Variants in TUT7 observed in about 807,000 individuals in gnomAD.
The protein encoded by TUT7 is terminal uridylyltransferase 7.
Under a neutral mutation model 165.9 loss-of-function variants are expected in TUT7, and 33 were observed. The ratio of observed to expected loss-of-function variants is 0.20; its 90% CI spans 0.15 to 0.27. TUT7 has a LOEUF of 0.27. Among genes scored for constraint, TUT7 ranks in the 10% least tolerant of loss-of-function variants. The probability of loss-of-function intolerance (pLI) is 1.00; values close to 1 mark genes in which losing one functional copy is unlikely to be tolerated. For missense variants in TUT7, 1,338 were observed against 1,762.3 expected, an observed-to-expected ratio of 0.76 and a Z score of 4.31; for synonymous variants, 552 against 608.1, an observed-to-expected ratio of 0.91 and a Z score of 1.36.
intron 16 of TUT7, 135 bp downstream of exon 16, chr9:86,318,823 G>A: frequency 1.8e-6 from 1 of 560,470 alleles, no homozygotes; most frequent in Non-Finnish European, 3.1e-6. Flanking sequence ...AATGTATTTG[G>A]CCAGAGACTG....
chr9:86,301,067 C>T (rs966169637), intron 26 of TUT7, among the ~76,000 whole-genome samples: 33 of 152,164 alleles, frequency 2.2e-4, no homozygotes, highest in African/African-American at 7.5e-4. Context: ...AAATGACTCT[C>T]ATAAGACTCT....
At chr9:86,313,745 T>C (rs2131376483) in intron 17 of TUT7, among the ~76,000 whole-genome samples, 1 of 152,312 alleles carries the variant, frequency 6.6e-6, no homozygotes, top group African/African-American at 2.4e-5. Flanking sequence ...GGCAGATTAA[T>C]GGAGTTGGTT....
At chr9:86,343,284 G>A in intron 5 of TUT7, 121 bp from the exon 6 acceptor site, 1 of 551,220 alleles carries the variant, frequency 1.8e-6, no homozygotes, top group East Asian at 3.4e-5. Context: ...AAGCAAACTT[G>A]TATTCAAGAC....
At chr9:86,315,212 G>A (rs1048645538) in intron 17 of TUT7, among the ~76,000 whole-genome samples, 6 of 152,216 alleles carry the variant, frequency 3.9e-5, no homozygotes, top group African/African-American at 1.2e-4. Context: ...TTAAAGATAT[G>A]AAGTTTTAAA....
In TUT7 at chr9:86,311,608, C is replaced by T. The variant is rs996372920; in HGVS notation, c.3275-799G>A. ...CCCTCTTCCCTCTCCCCTCTCCCCACGGTCTCCCTCTCCCTCTCTTTCCAC... is the reference window on the plus strand; with the variant it reads ...CCCTCTTCCCTCTCCCCTCTCCCCATGGTCTCCCTCTCCCTCTCTTTCCAC... On this transcript the variant is annotated intron_variant, in intron 17 of 26. Transcript: ENST00000375963. The surrounding 1 kb of genome is among the most constrained non-coding windows in gnomAD (Gnocchi z 4.4). 4.4e-5 allele frequency among the ~76,000 whole-genome samples: 6 copies of T among 136,682 alleles called. No homozygotes were observed. The highest frequency in any genetic ancestry group is 6.3e-5 in the Non-Finnish European group (4 of 63,948). The allele number at this position is 136,682 out of a possible 152,430, so 89.7% of individuals were successfully genotyped here.
At chr9:86,310,872 G>T in intron 17 of TUT7, 63 bp from the exon 18 acceptor site, 2 of 927,930 alleles carry the variant, frequency 2.2e-6, no homozygotes, top group South Asian at 1.4e-5. Context: ...TAACTCTTAT[G>T]TTAATGTTCC....
chr9:86,352,013 C>T (rs1387401561), intron 2 of TUT7, among the ~76,000 whole-genome samples: 2 of 152,074 alleles, frequency 1.3e-5, no homozygotes, highest in South Asian at 2.1e-4. Flanking sequence ...CCCTTTGGGG[C>T]AATTAACCAA....
chr9:86,339,805 G>A (rs953408717), intron 8 of TUT7, among the ~76,000 whole-genome samples: 13 of 152,240 alleles, frequency 8.5e-5, no homozygotes, highest in African/African-American at 3.1e-4. Context: ...GAAATGGACC[G>A]AAATACTTCC....
chr9:86,303,459 G>A (rs1317116288), intron 24 of TUT7, among the ~76,000 whole-genome samples: 1 of 152,142 alleles, frequency 6.6e-6, no homozygotes, highest in African/African-American at 2.4e-5. Context: ...AAAGGTTTAA[G>A]CACACTTCTA....
At chr9:86,334,409 T>C (rs551816641) in intron 10 of TUT7, among the ~76,000 whole-genome samples, 1 of 152,222 alleles carries the variant, frequency 6.6e-6, no homozygotes, top group African/African-American at 2.4e-5. Flanking sequence ...CCCTCAAGCT[T>C]GTCCAAACTG....
At chr9:86,298,362 A>G (rs1826549882) in intron 26 of TUT7, among the ~76,000 whole-genome samples, 1 of 152,196 alleles carries the variant, frequency 6.6e-6, no homozygotes, top group African/African-American at 2.4e-5. Flanking sequence ...GAATAAATGA[A>G]GTAGCTGAGA....
intron 2 of TUT7, among the ~76,000 whole-genome samples, chr9:86,348,437 A>C (rs1250044974): frequency 6.6e-6 from 1 of 152,198 alleles, no homozygotes; most frequent in African/African-American, 2.4e-5. Context: ...ATCAAAGTAA[A>C]GGGATTGAAA....
chr9:86,304,764 C>A (rs1487957099), intron 24 of TUT7, 92 bp downstream of exon 24: 3 of 807,220 alleles, frequency 3.7e-6, no homozygotes, highest in Non-Finnish European at 5.9e-6. Flanking sequence ...GACTCACAGA[C>A]TTTCTAAATA....
intron 2 of TUT7, among the ~76,000 whole-genome samples, chr9:86,346,878 C>G (rs1831817354): frequency 6.6e-6 from 1 of 152,084 alleles, no homozygotes; most frequent in African/African-American, 2.4e-5. Context: ...TCTATAATAT[C>G]TGTAAGTACA....
intron 26 of TUT7, among the ~76,000 whole-genome samples, chr9:86,300,263 G>T (rs566097234): frequency 2.0e-5 from 3 of 151,884 alleles, no homozygotes; most frequent in Non-Finnish European, 4.4e-5. Context: ...AAAATCTCCT[G>T]TCTTAAAAAA....
chr9:86,351,351 G>A (rs1832287189), intron 2 of TUT7, among the ~76,000 whole-genome samples: 2 of 152,082 alleles, frequency 1.3e-5, no homozygotes, highest in South Asian at 2.1e-4. Context: ...CAGGAGAATC[G>A]CTTGAACCCA....
At chr9:86,305,117 C>T (rs1315865143) in intron 23 of TUT7, 75 bp downstream of exon 23, 1 of 1,399,582 alleles carries the variant, frequency 7.1e-7, no homozygotes, top group African/African-American at 1.5e-5. Flanking sequence ...GCAATAAAAG[C>T]AAGACCCTGT....
chr9:86,352,966 T>C lies in TUT7; in HGVS notation c.234A>G (p.Ala78=), dbSNP rs1249660794. The C allele has an allele frequency of 6.2e-7, 1 of 1,614,130 alleles. No homozygotes were observed. The highest frequency in any genetic ancestry group is 8.5e-7 in the Non-Finnish European group (1 of 1,180,056). Residue 78 remains alanine, a synonymous_variant, in exon 2 of 27, where the codon GCA becomes GCG. Transcript: ENST00000375963. ...GPCAVSSNPY[A]FKNPIYSQPA... ...GTTGACTGTAGATTGGGTTTTTAAATGCATATGGATTGCTGGAAACAGCAC... is the reference window on the plus strand; with the variant it reads ...GTTGACTGTAGATTGGGTTTTTAAACGCATATGGATTGCTGGAAACAGCAC...
chr9:86,290,469 C>G (rs760139072), intron 26 of TUT7, among the ~76,000 whole-genome samples: 1 of 151,988 alleles, frequency 6.6e-6, no homozygotes, highest in Non-Finnish European at 1.5e-5. Flanking sequence ...ATTGTTCTAC[C>G]ACTGTATTAT....
Sources: allele counts gnomAD v4.1 joint callset (sites outside exome capture counted in the v4.1 genomes callset), GRCh38; gene constraint gnomAD v4.1.1; non-coding constraint Gnocchi (gnomAD v3.1); transcripts MANE v1.5; gene names NCBI Gene and HGNC (gene_info 2026-07-23, HGNC 2026-07-21).